Variants in RAB6B observed in about 807,000 individuals in gnomAD.
RAB6B encodes the protein RAB6B, member RAS oncogene family.
In RAB6B, 7 loss-of-function variants were observed where a neutral mutation model predicts 31.2. The observed-to-expected ratio is 0.22, with a 90% CI of 0.13 to 0.42. The LOEUF is 0.42. Ranked by LOEUF, RAB6B falls within the 10% of genes least tolerant of loss-of-function variation. RAB6B has a pLI of 1.00. For missense variants in RAB6B, 149 were observed against 280.6 expected (o/e 0.53, Z 3.35); for synonymous variants, 105 against 104.9 (o/e 1.00, Z -0.01).
chr3:133,845,857 T>A (rs1409204031), intron 2 of RAB6B, among the ~76,000 whole-genome samples: 3 of 151,962 alleles, frequency 2.0e-5, no homozygotes, highest in Non-Finnish European at 4.4e-5. Context: ...TTTAAAACTC[T>A]TATAAATAGG....
intron 6 of RAB6B, 31 bp downstream of exon 6, chr3:133,838,133 CCG>C (rs768559061): frequency 1.8e-5 from 26 of 1,452,470 alleles, no homozygotes; most frequent in African/African-American, 2.4e-5. Flanking sequence ...GTGCCGGGCC[CCG>C]TGCCGGGCCC....
In RAB6B at chr3:133,858,861, G is replaced by A. The variant is rs116541716; in HGVS notation, c.129+5723C>T. 6.1e-3 allele frequency among the ~76,000 whole-genome samples: 927 copies of A among 152,210 alleles called. 5 individuals are homozygous for A. The highest frequency in any genetic ancestry group is 0.02 in the Middle Eastern group (6 of 294). On this transcript the variant is annotated intron_variant, in intron 2 of 7. Coordinates refer to ENST00000285208, the MANE Select transcript of RAB6B (RefSeq NM_016577.4). Reference sequence around the variant, plus strand: ...ACATGCCGAGCTTTTCAGCGTCTTAGTACTGCATTTTTTTAACCTGGAAAT... The same window carrying A: ...ACATGCCGAGCTTTTCAGCGTCTTAATACTGCATTTTTTTAACCTGGAAAT...
In RAB6B at chr3:133,839,507, T is replaced by G. The variant is rs757707005; in HGVS notation, c.400A>C (p.Arg134=). Residue 134 remains arginine, a splice_region_variant and synonymous_variant, in exon 5 of 8, where the codon AGG becomes CGG. Coordinates refer to ENST00000285208, the MANE Select transcript of RAB6B (RefSeq NM_016577.4). Reference sequence around the variant, plus strand: ...GCACCTGTGTGCCCTTGCACCTACCTCTTATCAGCCAGGTCCGTCTTGTTG... The same window carrying G: ...GCACCTGTGTGCCCTTGCACCTACCGCTTATCAGCCAGGTCCGTCTTGTTG... ...VGNKTDLADK[R]QITIEEGEQR... 3.9e-5 allele frequency: 63 copies of G among 1,612,106 alleles called. No individual in the cohort carries two copies. The highest frequency in any genetic ancestry group is 5.3e-5 in the Non-Finnish European group (63 of 1,178,210).
intron 1 of RAB6B, among the ~76,000 whole-genome samples, chr3:133,883,768 T>C (rs1028939617): frequency 6.6e-6 from 1 of 152,236 alleles, no homozygotes; most frequent in African/African-American, 2.4e-5. Flanking sequence ...TTTCTCAGAA[T>C]TAGCACAGCC....
chr3:133,885,609 G>T, intron 1 of RAB6B: 1 of 703,006 alleles, frequency 1.4e-6, no homozygotes, highest in Non-Finnish European at 2.6e-6. Flanking sequence ...CGGAAGGGCT[G>T]CCAGCAGTCC....
intron 2 of RAB6B, among the ~76,000 whole-genome samples, chr3:133,857,712 G>A (rs1936101497): frequency 6.6e-6 from 1 of 152,208 alleles, no homozygotes; most frequent in African/African-American, 2.4e-5. Flanking sequence ...CCATTTGCAA[G>A]CATTTTGGCT....
At chr3:133,880,667 T>A (rs1046292303) in intron 1 of RAB6B, among the ~76,000 whole-genome samples, 2 of 152,236 alleles carry the variant, frequency 1.3e-5, no homozygotes, top group Non-Finnish European at 2.9e-5. Flanking sequence ...TCTCTTCCTG[T>A]CCTTCCATAC....
At chr3:133,884,421 T>C (rs923783783) in intron 1 of RAB6B, among the ~76,000 whole-genome samples, 1 of 152,230 alleles carries the variant, frequency 6.6e-6, no homozygotes, top group African/African-American at 2.4e-5. Flanking sequence ...CTTAGCTTTT[T>C]GTGCAGCCAG....
intron 1 of RAB6B, among the ~76,000 whole-genome samples, chr3:133,872,183 C>T (rs1194456239): frequency 6.6e-6 from 1 of 152,254 alleles, no homozygotes; most frequent in East Asian, 1.9e-4. Flanking sequence ...GCTGAAAAGG[C>T]AAGTCTGCTT....
At chr3:133,860,174 T>C (rs1936139829) in intron 2 of RAB6B, among the ~76,000 whole-genome samples, 1 of 152,250 alleles carries the variant, frequency 6.6e-6, no homozygotes. Flanking sequence ...CCCAAATTCA[T>C]GCCCACTTGG....
chr3:133,883,693 T>TTA (rs1212545722), intron 1 of RAB6B, among the ~76,000 whole-genome samples: 2 of 152,224 alleles, frequency 1.3e-5, no homozygotes, highest in Non-Finnish European at 2.9e-5. Flanking sequence ...CACTTACTGT[T>TTA]TAGTCTATGC....
At chr3:133,858,387 G>A (rs1936112296) in intron 2 of RAB6B, among the ~76,000 whole-genome samples, 1 of 152,102 alleles carries the variant, frequency 6.6e-6, no homozygotes, top group South Asian at 2.1e-4. Context: ...TTGTTTCCTA[G>A]GCCTGCCATA....
chr3:133,832,360 G>A (rs1473768966), intron 7 of RAB6B, among the ~76,000 whole-genome samples: 1 of 152,016 alleles, frequency 6.6e-6, no homozygotes, highest in Non-Finnish European at 1.5e-5. Context: ...CTCCTGTCTC[G>A]AACGTGAAGA....
intron 2 of RAB6B, among the ~76,000 whole-genome samples, chr3:133,855,099 G>C (rs1419779536): frequency 6.6e-6 from 1 of 152,244 alleles, no homozygotes; most frequent in African/African-American, 2.4e-5. Flanking sequence ...CTTTGACAAT[G>C]AAGTTGCTGT....
Position 133,828,419 on chromosome 3 carries a change from A to G in RAB6B, c.*369T>C, listed in dbSNP as rs937880362. The stretch of plus-strand genomic sequence containing the variant: ...AGGAGGTGTGTGGAAAAGGTTCTCT[A>G]TAAGTTTACAAATATACAAAAACAA... On this transcript the variant is annotated 3_prime_UTR_variant, in exon 8 of 8. Transcript: ENST00000285208. The G allele has an allele frequency of 1.9e-5, 7 of 366,270 alleles. No homozygotes were observed. Among genetic ancestry groups the G allele is most frequent in the East Asian group, 1.3e-4 (2 of 14,842 alleles). The allele number at this position is 366,270 out of a possible 1,614,324, so 22.7% of individuals were successfully genotyped here.
chr3:133,875,758 C>G (rs1028577791), intron 1 of RAB6B, among the ~76,000 whole-genome samples: 1 of 152,144 alleles, frequency 6.6e-6, no homozygotes, highest in Non-Finnish European at 1.5e-5. Flanking sequence ...AATCCATTTC[C>G]CTACCTGCTA....
intron 1 of RAB6B, among the ~76,000 whole-genome samples, chr3:133,889,438 A>ATC (rs1388326610): frequency 2.8e-5 from 2 of 70,760 alleles, no homozygotes; most frequent in African/African-American, 1.1e-4. Context: ...ATATATATAT[A>ATC]TATATATTTA....
chr3:133,880,915 G>C (rs1936458203), intron 1 of RAB6B, among the ~76,000 whole-genome samples: 1 of 152,202 alleles, frequency 6.6e-6, no homozygotes, highest in Middle Eastern at 3.2e-3. Flanking sequence ...TGAAATTTAA[G>C]AGATGAAGAC....
At chr3:133,877,309 T>C (rs1936409993) in intron 1 of RAB6B, among the ~76,000 whole-genome samples, 1 of 152,184 alleles carries the variant, frequency 6.6e-6, no homozygotes, top group Non-Finnish European at 1.5e-5. Flanking sequence ...TCAGCAAATG[T>C]ATATGAGGAA....
Sources: allele counts gnomAD v4.1 joint callset (sites outside exome capture counted in the v4.1 genomes callset), GRCh38; gene constraint gnomAD v4.1.1; transcripts MANE v1.5; gene names NCBI Gene and HGNC (gene_info 2026-07-23, HGNC 2026-07-21).